The following THBS2 variants were observed in gnomAD, a reference collection of about 807,000 sequenced individuals.
THBS2 encodes the protein thrombospondin-2.
A neutral mutation model predicts 135.2 loss-of-function variants in THBS2; 47 were observed. The observed-to-expected ratio is 0.35, with a 90% CI of 0.28 to 0.44. THBS2 has a LOEUF of 0.44. Ranked by LOEUF, THBS2 falls within the 20% of genes least tolerant of loss-of-function variation. THBS2 has a pLI of 1.00. For synonymous variants in THBS2, 639 were observed against 633.8 expected, an observed-to-expected ratio of 1.01 and a Z score of -0.12; for missense variants, 1,288 against 1,603.1, an observed-to-expected ratio of 0.80 and a Z score of 3.36.
Position 169,248,939 on chromosome 6 carries a change from A to G in THBS2, c.87T>C (p.Leu29=). The G allele has an allele frequency of 1.9e-6, 3 of 1,610,778 alleles. No individual in the cohort carries two copies. Among genetic ancestry groups the G allele is most frequent in the Non-Finnish European group, 2.5e-6 (3 of 1,177,768 alleles). The change falls in exon 3 of 22, where the codon CTT becomes CTC. Residue 29 remains leucine (L), a synonymous_variant. Transcript: ENST00000617924. The part of the protein sequence containing the change: ...GHQDKDTTFD[L]FSISNINRKT... ...TGCGGTTGATGTTGCTGATACTGAAAAGGTCGAAGGTCGTGTCTTTGTCCT... is the reference window on the plus strand; with the variant it reads ...TGCGGTTGATGTTGCTGATACTGAAGAGGTCGAAGGTCGTGTCTTTGTCCT...
chr6:169,248,175 T>TTGTG (rs141353005), intron 3 of THBS2, among the ~76,000 whole-genome samples: 2 of 149,484 alleles, frequency 1.3e-5, no homozygotes, highest in Non-Finnish European at 3.0e-5. Context: ...GCATGTGTGT[T>TTGTG]TGTGTGTGTG....
intron 17 of THBS2, among the ~76,000 whole-genome samples, chr6:169,223,980 G>A (rs1162574934): frequency 2.0e-5 from 3 of 152,196 alleles, no homozygotes; most frequent in Non-Finnish European, 2.9e-5. Flanking sequence ...AGTTTTCAGC[G>A]GGGTTGTGGC....
intron 2 of THBS2, among the ~76,000 whole-genome samples, chr6:169,250,032 A>G (rs907183564): frequency 1.6e-4 from 14 of 88,952 alleles, no homozygotes; most frequent in Admixed American, 1.2e-3. Context: ...TCCGTCCCAG[A>G]AAAAAAAAAA....
rs111210896 is a variant in THBS2 at position 169,236,645 on chromosome 6, G to A, written c.1477+525C>T. Among the ~76,000 whole-genome samples, 151 of 50,500 alleles carry A rather than the reference G, an allele frequency of 3.0e-3. 3 individuals carry two copies. In the East Asian group the frequency reaches 0.04, roughly 13 times the overall value. 33.1% of individuals were successfully genotyped at this position (50,500 alleles called of 152,430 possible). A position where few individuals can be genotyped will look rare whatever the true frequency, so the allele number is the denominator to read the frequency against. On this transcript the variant is annotated intron_variant, in intron 9 of 21. Coordinates refer to ENST00000617924, the MANE Select transcript of THBS2 (RefSeq NM_003247.5). ...TCCACACTCACTCCCATCCACACTCGCCATCCACACTCACTCCCATCCACA... is the reference window on the plus strand; with the variant it reads ...TCCACACTCACTCCCATCCACACTCACCATCCACACTCACTCCCATCCACA...
At chr6:169,229,430 G>A in intron 14 of THBS2, 142 bp downstream of exon 14, 1 of 619,856 alleles carries the variant, frequency 1.6e-6, no homozygotes, top group Non-Finnish European at 2.8e-6. Flanking sequence ...TCTTTATAGT[G>A]ACCTTTGGGA....
intron 15 of THBS2, 119 bp downstream of exon 15, chr6:169,228,003 C>T: frequency 1.6e-6 from 2 of 1,281,866 alleles, no homozygotes; most frequent in South Asian, 1.6e-5. Flanking sequence ...CTCACTTGAA[C>T]CCAAAAGGTG....
At chr6:169,246,410 A>G (rs1780557984) in intron 3 of THBS2, 129 bp from the exon 4 acceptor site, 1 of 745,226 alleles carries the variant, frequency 1.3e-6, no homozygotes, top group Non-Finnish European at 2.3e-6. Context: ...TCTACGTAGC[A>G]GGTTTGCAAT....
chr6:169,249,876 A>G (rs1364139773), intron 2 of THBS2, among the ~76,000 whole-genome samples: 1 of 152,076 alleles, frequency 6.6e-6, no homozygotes, highest in African/African-American at 2.4e-5. Flanking sequence ...TAAAAATACA[A>G]AAAATTAGCC....
At position 169,232,635 on chromosome 6, in the gene THBS2, A is replaced by G. The variant is rs772470752; in HGVS notation, c.1932+29T>C. On this transcript the variant is annotated intron_variant, in intron 12 of 21. Transcript: ENST00000617924. ...ATCTGATTTTTCCAAAGCCGCTCGC[A>G]ACACACAAGGAAGGCCGGCCTTGCG... 3.2e-6 allele frequency: 5 copies of G among 1,569,334 alleles called. No homozygotes were observed. In the East Asian group the frequency reaches 1.1e-4, roughly 35 times the overall value.
rs753970296 is a variant in THBS2, at chr6:169,240,435, G to A, written c.1032+17C>T. Reference sequence around the variant, plus strand: ...ATGGTGGCCTCTTCCCCCAAGAGCCGTGTTCTGGGGCCTCACCTTGCAGGT... The same window carrying A: ...ATGGTGGCCTCTTCCCCCAAGAGCCATGTTCTGGGGCCTCACCTTGCAGGT... On this transcript the variant is annotated intron_variant, in intron 6 of 21. Transcript: ENST00000617924. 1.5e-5 allele frequency: 24 copies of A among 1,611,452 alleles called. No homozygotes were observed. The highest frequency in any genetic ancestry group is 4.5e-5 in the East Asian group (2 of 44,856).
intron 4 of THBS2, among the ~76,000 whole-genome samples, chr6:169,245,530 C>T (rs558071406): frequency 6.6e-6 from 1 of 152,140 alleles, no homozygotes; most frequent in African/African-American, 2.4e-5. Context: ...TGGTGGCTCA[C>T]ACCTGTAATC....
chr6:169,219,095 A>G (rs1292793850), intron 21 of THBS2, among the ~76,000 whole-genome samples: 7 of 146,710 alleles, frequency 4.8e-5, no homozygotes, highest in African/African-American at 7.7e-5. Flanking sequence ...TGATAGGTGG[A>G]TGGATGGATG....
chr6:169,221,080 A>G (rs1158082599), intron 20 of THBS2, among the ~76,000 whole-genome samples: 4 of 152,248 alleles, frequency 2.6e-5, no homozygotes, highest in Admixed American at 1.3e-4. Flanking sequence ...AAATTCAGCC[A>G]TTTATATCAG....
chr6:169,226,593 C>A (rs1779639391), intron 15 of THBS2, among the ~76,000 whole-genome samples: 1 of 152,122 alleles, frequency 6.6e-6, no homozygotes, highest in African/African-American at 2.4e-5. Context: ...CCGTGTAAAT[C>A]TGAGCTTGCT....
Position 169,228,161 on chromosome 6 carries a change from C to T in THBS2, c.2380G>A (p.Gly794Arg). 2.5e-6 allele frequency: 4 copies of T among 1,614,046 alleles called. No homozygotes were observed. The highest frequency in any genetic ancestry group is 3.4e-6 in the Non-Finnish European group (4 of 1,180,036). ...TCCACGGAGCAGGCGTCACCCTCTC[C>T]ATTGTTGTCTGTGTCGATCTGGGCA... ...NPAQIDTDNN[G>R]EGDACSVDID... is the part of the protein sequence containing the mutation. Residue 794 changes from glycine (G) to arginine (R), a missense_variant, in exon 15 of 22, where the codon GGA (glycine) becomes AGA (arginine). Physicochemically the swap from Gly to Arg is moderately radical, Grantham distance 125. Transcript: ENST00000617924.
At chr6:169,233,140 C>T in intron 10 of THBS2, 123 bp from the exon 11 acceptor site, 1 of 1,338,026 alleles carries the variant, frequency 7.5e-7, no homozygotes, top group East Asian at 2.6e-5. Context: ...GTCAGGAACA[C>T]TCTGGTGTGA....
At chr6:169,217,947 C>T (rs1474248683) in intron 21 of THBS2, 118 bp from the exon 22 acceptor site, 8 of 977,374 alleles carry the variant, frequency 8.2e-6, no homozygotes, top group Non-Finnish European at 1.2e-5. Flanking sequence ...TGAGATCTAT[C>T]ATATGGATGG....
rs184098739 is a variant in THBS2, at chr6:169,218,322, G to T, written c.3512-493C>A. Among the ~76,000 whole-genome samples, 617 of 150,154 alleles carry T rather than the reference G, an allele frequency of 4.1e-3. 7 individuals carry two copies. The highest frequency in any genetic ancestry group is 0.025 in the Middle Eastern group (7 of 282). ...GGGTGGGTGGATGGATGGATGAGTG[G>T]GTTGGTAGATGAGATGAATGGGTGG... On this transcript the variant is annotated intron_variant, in intron 21 of 21. Coordinates refer to ENST00000617924, the MANE Select transcript of THBS2 (RefSeq NM_003247.5).
At chr6:169,231,558 T>C (rs1320843276) in intron 13 of THBS2, among the ~76,000 whole-genome samples, 2 of 152,176 alleles carry the variant, frequency 1.3e-5, no homozygotes, top group Non-Finnish European at 2.9e-5. Context: ...CTCCTTATAC[T>C]GCAACACGCT....
Sources: gnomAD v4.1 joint callset for allele counts (sites outside exome capture counted in the v4.1 genomes callset) on GRCh38, gnomAD v4.1.1 for gene constraint, MANE v1.5 for transcripts, NCBI Gene and HGNC (gene_info 2026-07-23, HGNC 2026-07-21) for gene names.